The following EFCAB6 variants were observed in gnomAD, a reference collection of about 807,000 sequenced individuals.
EFCAB6 encodes EF-hand calcium binding domain 6, also known as EF-hand calcium-binding domain-containing protein 6.
Under a neutral mutation model 169.8 loss-of-function variants are expected in EFCAB6, and 156 were observed. The observed-to-expected ratio is 0.92, with a 90% confidence interval of 0.81 to 1.05. The LOEUF is 1.05. EFCAB6 is among the 50% of genes least tolerant of loss of function. EFCAB6 has a pLI of 0.00. For synonymous variants in EFCAB6, 698 were observed against 676.4 expected, an observed-to-expected ratio of 1.03 and a Z score of -0.50; for missense variants, 1,800 against 1,829.1, an observed-to-expected ratio of 0.98 and a Z score of 0.29.
intron 3 of EFCAB6, among the ~76,000 whole-genome samples, chr22:43,779,141 A>G (rs1569484534): frequency 6.6e-6 from 1 of 152,238 alleles, no homozygotes; most frequent in Non-Finnish European, 1.5e-5. Flanking sequence ...AAAATTAAAA[A>G]TACAATATCA....
chr22:43,748,813 G>C (rs984627356), intron 6 of EFCAB6, among the ~76,000 whole-genome samples: 4 of 152,192 alleles, frequency 2.6e-5, no homozygotes, highest in African/African-American at 9.7e-5. Context: ...CATCTCACTA[G>C]AGAGCTCTCT....
chr22:43,676,212 T>C (rs1488531169), intron 13 of EFCAB6, among the ~76,000 whole-genome samples: 1 of 151,798 alleles, frequency 6.6e-6, no homozygotes, highest in Non-Finnish European at 1.5e-5. Flanking sequence ...GGTCAGGAGA[T>C]CGAGACCATC....
chr22:43,560,031 TA>T (rs1002814400), intron 26 of EFCAB6, among the ~76,000 whole-genome samples: 2 of 152,102 alleles, frequency 1.3e-5, no homozygotes, highest in East Asian at 1.9e-4. Flanking sequence ...AAGTAAAATT[TA>T]AAAAATGCCT....
intron 6 of EFCAB6, among the ~76,000 whole-genome samples, chr22:43,746,398 ACT>A (rs1354393225): frequency 6.6e-6 from 1 of 152,192 alleles, no homozygotes; most frequent in Non-Finnish European, 1.5e-5. Flanking sequence ...ATGAAGCAAA[ACT>A]CTGGTTCGGG....
chr22:43,740,127 G>A (rs1382376222), intron 6 of EFCAB6, among the ~76,000 whole-genome samples: 2 of 152,004 alleles, frequency 1.3e-5, no homozygotes, highest in Non-Finnish European at 2.9e-5. Context: ...TTCTTCCCCC[G>A]ACACTCACTG....
At chr22:43,725,134 CTTTTTTTTT>C (rs33983375) in intron 8 of EFCAB6, among the ~76,000 whole-genome samples, 1 of 94,696 alleles carries the variant, frequency 1.1e-5, no homozygotes, top group Admixed American at 1.2e-4. Flanking sequence ...GCCAAACTGG[CTTTTTTTTT>C]TTTTTTTTTT....
At chr22:43,677,554 G>A (rs1035446194) in intron 13 of EFCAB6, among the ~76,000 whole-genome samples, 1 of 152,148 alleles carries the variant, frequency 6.6e-6, no homozygotes, top group Non-Finnish European at 1.5e-5. Flanking sequence ...GCTGAGGCAG[G>A]AGAATTGCTT....
intron 10 of EFCAB6, among the ~76,000 whole-genome samples, chr22:43,692,461 T>C (rs2058443966): frequency 6.6e-6 from 1 of 152,108 alleles, no homozygotes; most frequent in South Asian, 2.1e-4. Flanking sequence ...AAAGCAATGA[T>C]TACAACTATC....
chr22:43,558,452 T>C (rs1348245487), intron 26 of EFCAB6, among the ~76,000 whole-genome samples: 1 of 152,152 alleles, frequency 6.6e-6, no homozygotes, highest in Non-Finnish European at 1.5e-5. Context: ...TTTGCAGATA[T>C]TGTGTTTTTT....
At chr22:43,657,159 G>A (rs1485152341) in intron 17 of EFCAB6, among the ~76,000 whole-genome samples, 3 of 152,126 alleles carry the variant, frequency 2.0e-5, no homozygotes, top group Non-Finnish European at 4.4e-5. Context: ...GCCAGGTGTG[G>A]TGGTATGCAC....
chr22:43,808,811 G>C (rs150069787), intron 2 of EFCAB6, among the ~76,000 whole-genome samples, 184 bp downstream of exon 2: 3 of 152,216 alleles, frequency 2.0e-5, no homozygotes, highest in Non-Finnish European at 4.4e-5. Context: ...CCAAGGCAGT[G>C]AGATGACCAC....
At position 43,540,120 on chromosome 22, in the gene EFCAB6, AACTCAC is replaced by A; in HGVS notation, c.3879+1_3879+6del. ...GCCTGGGACACCTGGCAGGATGGAG[AACTCAC>A]ACAGGGGTGGCTCTGCGACTTTGAC... On this transcript the variant is annotated splice_donor_variant and splice_donor_5th_base_variant and intron_variant, in intron 28 of 31. Transcript: ENST00000262726. LOFTEE classifies it high-confidence loss of function. 1 of 1,613,668 alleles carries A rather than the reference AACTCAC, an allele frequency of 6.2e-7. No individual in the cohort carries two copies. Among genetic ancestry groups the A allele is most frequent in the East Asian group, 2.2e-5 (1 of 44,862 alleles).
chr22:43,537,602 C>A lies in EFCAB6; in HGVS notation c.3880-57G>T. On this transcript the variant is annotated intron_variant, in intron 28 of 31. Coordinates refer to ENST00000262726, the MANE Select transcript of EFCAB6 (RefSeq NM_022785.4). The surrounding 1 kb of genome is among the most constrained non-coding windows in gnomAD (Gnocchi z 4.3). Reference sequence around the variant, plus strand: ...ACTTAAGATTTAAAACGGAAGTCATCAAAAATACCTCAATACCTCCAGTTT... The same window carrying A: ...ACTTAAGATTTAAAACGGAAGTCATAAAAAATACCTCAATACCTCCAGTTT... The A allele has an allele frequency of 6.5e-7, 1 of 1,547,588 alleles. No individual in the cohort carries two copies. The highest frequency in any genetic ancestry group is 8.7e-7 in the Non-Finnish European group (1 of 1,144,290).
intron 2 of EFCAB6, among the ~76,000 whole-genome samples, chr22:43,790,670 T>C (rs761645967): frequency 2.0e-5 from 3 of 152,170 alleles, no homozygotes; most frequent in Admixed American, 2.0e-4. Flanking sequence ...GTGAAACCTC[T>C]AGGGGGTTAG....
intron 6 of EFCAB6, among the ~76,000 whole-genome samples, chr22:43,746,563 T>C (rs150973895): frequency 1.5e-3 from 229 of 152,272 alleles, no homozygotes; most frequent in African/African-American, 4.4e-3. Context: ...TAGCTACCCA[T>C]TGAGCTTACG....
intron 6 of EFCAB6, among the ~76,000 whole-genome samples, chr22:43,742,417 C>A (rs2060407880): frequency 6.6e-6 from 1 of 152,158 alleles, no homozygotes; most frequent in Non-Finnish European, 1.5e-5. Flanking sequence ...AGTTCACTGA[C>A]CCATACTCCA....
At chr22:43,707,440 G>C (rs1484653028) in intron 10 of EFCAB6, among the ~76,000 whole-genome samples, 1 of 152,096 alleles carries the variant, frequency 6.6e-6, no homozygotes, top group Non-Finnish European at 1.5e-5. Context: ...TAGCAGGAGT[G>C]TGGGAAGGTT....
chr22:43,541,856 T>G (rs2047748291), intron 27 of EFCAB6, among the ~76,000 whole-genome samples: 1 of 152,166 alleles, frequency 6.6e-6, no homozygotes, highest in South Asian at 2.1e-4. Context: ...AGAATCAACT[T>G]TAAGTGTCAA....
chr22:43,789,573 C>CA (rs1324805964), intron 2 of EFCAB6, among the ~76,000 whole-genome samples: 2 of 152,220 alleles, frequency 1.3e-5, no homozygotes, highest in African/African-American at 4.8e-5. Context: ...CCCCCACTGT[C>CA]AGAGCTAACT....
Sources: allele counts gnomAD v4.1 joint callset (sites outside exome capture counted in the v4.1 genomes callset), GRCh38; gene constraint gnomAD v4.1.1; non-coding constraint Gnocchi (gnomAD v3.1); transcripts MANE v1.5; gene names NCBI Gene and HGNC (gene_info 2026-07-23, HGNC 2026-07-21).